The following MTMR10 variants were observed in gnomAD, a reference collection of about 807,000 sequenced individuals.
The protein encoded by MTMR10 is myotubularin-related protein 10.
A neutral mutation model predicts 88.1 loss-of-function variants in MTMR10; 56 were observed. The observed-to-expected ratio is 0.64, with a 90% CI of 0.51 to 0.79. The LOEUF (loss-of-function observed/expected upper bound fraction) is 0.79, where lower values mean the gene tolerates loss of function less well. MTMR10 is among the 30% of genes least tolerant of loss of function. The pLI is 0.00. For missense variants in MTMR10, 883 were observed against 924.7 expected (o/e 0.95, Z 0.58); for synonymous variants, 380 against 340.9 (o/e 1.11, Z -1.26).
intron 10 of MTMR10, 36 bp downstream of exon 10, chr15:30,954,727 G>A: frequency 6.5e-7 from 1 of 1,546,502 alleles, no homozygotes; most frequent in Non-Finnish European, 8.7e-7. Context: ...TCTGTATCCT[G>A]TGTTCATTAT....
chr15:30,949,407 A>G (rs995194417), intron 12 of MTMR10: 2 of 152,222 alleles, frequency 1.3e-5, no homozygotes, highest in African/African-American at 4.8e-5. Flanking sequence ...TCAGAAAGAA[A>G]AAGGTAAAAA....
downstream of MTMR10, among the ~76,000 whole-genome samples, chr15:30,938,140 C>T (rs928691331): frequency 3.3e-5 from 5 of 151,546 alleles, no homozygotes; most frequent in Non-Finnish European, 4.4e-5. Flanking sequence ...GCCGAGATTG[C>T]ACCACTGCAC....
At chr15:30,926,634 G>T in the MTMR10 span, 3 of 985,256 alleles carry the variant, frequency 3.0e-6, no homozygotes, top group Non-Finnish European at 3.6e-6. Flanking sequence ...TGGGGAAGAC[G>T]TGCAAATGCC....
At chr15:30,966,834 C>T (rs1595931654) in intron 6 of MTMR10, among the ~76,000 whole-genome samples, 1 of 148,152 alleles carries the variant, frequency 6.7e-6, no homozygotes, top group East Asian at 2.0e-4. Context: ...GCATTATTTT[C>T]ATATATTATC....
intron 5 of MTMR10, among the ~76,000 whole-genome samples, chr15:30,971,123 A>C (rs138034549): frequency 6.6e-6 from 1 of 152,282 alleles, no homozygotes; most frequent in Non-Finnish European, 1.5e-5. Context: ...ACACTATTTT[A>C]AAAACCTAAG....
At chr15:30,954,481 C>G (rs1476250866) in intron 10 of MTMR10, among the ~76,000 whole-genome samples, 1 of 152,192 alleles carries the variant, frequency 6.6e-6, no homozygotes, top group African/African-American at 2.4e-5. Context: ...ATACAGTGTT[C>G]TACTCAGCAA....
chr15:30,978,091 G>A (rs1189998568), intron 2 of MTMR10, among the ~76,000 whole-genome samples: 2 of 152,136 alleles, frequency 1.3e-5, no homozygotes, highest in Non-Finnish European at 2.9e-5. Context: ...ATGGGACCAT[G>A]CTTCTTCCCA....
intron 6 of MTMR10, among the ~76,000 whole-genome samples, chr15:30,962,024 A>G (rs2063408671): frequency 6.6e-6 from 1 of 152,222 alleles, no homozygotes; most frequent in South Asian, 2.1e-4. Flanking sequence ...GCTCTTTTCT[A>G]TCTGCTCATT....
chr15:30,948,260 G>A, intron 13 of MTMR10, 42 bp downstream of exon 13: 1 of 1,531,168 alleles, frequency 6.5e-7, no homozygotes, highest in Non-Finnish European at 8.8e-7. Flanking sequence ...TTTATTTTGT[G>A]TATCCTTAAA....
the MTMR10 span, chr15:30,922,163 T>C: frequency 4.5e-6 from 7 of 1,554,418 alleles, no homozygotes; most frequent in South Asian, 8.4e-5. Context: ...ACCAATCCTA[T>C]GGGCTTGTAA....
At chr15:30,920,413 T>C in the MTMR10 span, 1 of 643,640 alleles carries the variant, frequency 1.6e-6, no homozygotes, top group African/African-American at 1.9e-5. Flanking sequence ...TGTAGAAAAT[T>C]GTACACAACT....
At position 30,974,474 on chromosome 15, in the gene MTMR10, A is replaced by G. The variant is rs770697622; in HGVS notation, c.332-18T>C. On this transcript the variant is annotated intron_variant, in intron 4 of 15. Transcript: ENST00000435680. ...GTCGTTTACTAAAAAAGAAAAAAAA[A>G]TAGAGAAAATAAAATGCGTAACAGT... The G allele has an allele frequency of 1.3e-6, 2 of 1,504,366 alleles. No homozygotes were observed. Among genetic ancestry groups the G allele is most frequent in the African/African-American group, 2.8e-5 (2 of 70,830 alleles). The allele number at this position is 1,504,366 out of a possible 1,614,324, so 93.2% of individuals were successfully genotyped here.
the MTMR10 span, chr15:30,926,994 A>G: frequency 5.1e-6 from 5 of 985,278 alleles, no homozygotes; most frequent in South Asian, 1.4e-4. Context: ...TTATAACACA[A>G]ATGCACAGCA....
intron 11 of MTMR10, 54 bp from the exon 12 acceptor site, chr15:30,952,092 C>T: frequency 1.4e-6 from 2 of 1,414,440 alleles, no homozygotes; most frequent in South Asian, 2.3e-5. Context: ...ACTACAAATA[C>T]ATAAAGTACT....
Position 30,947,262 on chromosome 15 carries a change from C to G in MTMR10, c.1416G>C (p.Gln472His). 6.2e-7 allele frequency: 1 copy of G among 1,613,704 alleles called. No individual in the cohort carries two copies. The highest frequency in any genetic ancestry group is 8.5e-7 in the Non-Finnish European group (1 of 1,179,836). The change falls in exon 14 of 16, where the codon CAG becomes CAC. Residue 472 changes from glutamine to histidine, a missense_variant. Around this residue, in one of 3 missense-constraint regions of MTMR10, gnomAD observed 126 missense variants for 178.2 expected, o/e 0.71. Coordinates refer to ENST00000435680, the MANE Select transcript of MTMR10 (RefSeq NM_017762.3). The part of the protein sequence containing the change: ...LFLLFLDATW[Q>H]LLEQYPAAFE... ...AAGCTGCAGGATATTGTTCTAACAG[C>G]TGCCAGGTGGCATCCAAGAATAGCA...
At chr15:30,981,665 C>T (rs1296575910) in intron 2 of MTMR10, among the ~76,000 whole-genome samples, 21 of 152,160 alleles carry the variant, frequency 1.4e-4, no homozygotes. Context: ...ATTTTTAAGT[C>T]AATTTGATGA....
chr15:30,948,775 T>C, intron 12 of MTMR10: 1 of 416,958 alleles, frequency 2.4e-6, no homozygotes, highest in Non-Finnish European at 4.3e-6. Context: ...TCCATTCTAC[T>C]GCTCTTTTGT....
At position 30,939,943 on chromosome 15, in the gene MTMR10, A is replaced by G. The variant is rs2062982458; in HGVS notation, c.*1527T>C. 1 of 984,942 alleles carries G rather than the reference A, an allele frequency of 1.0e-6. No individual in the cohort carries two copies. Among genetic ancestry groups the G allele is most frequent in the South Asian group, 4.7e-5 (1 of 21,278 alleles). 61.0% of individuals were successfully genotyped at this position (984,942 alleles called of 1,614,324 possible). On this transcript the variant is annotated 3_prime_UTR_variant, in exon 16 of 16. Transcript: ENST00000435680. ...AGTGAATTTCTTAAGATATTTTTTAAGAACTCCTGTCCTGTTATATCCAGA... is the reference window on the plus strand; with the variant it reads ...AGTGAATTTCTTAAGATATTTTTTAGGAACTCCTGTCCTGTTATATCCAGA...
In MTMR10 at chr15:30,941,770, G is replaced by C. The variant is rs373883299; in HGVS notation, c.2034C>G (p.Ala678=). 210 of 1,613,898 alleles carry C rather than the reference G, an allele frequency of 1.3e-4. No homozygotes were observed. The highest frequency in any genetic ancestry group is 1.6e-4 in the Non-Finnish European group (185 of 1,179,886). ...CAGCCAGGAGGGAGAGCTTGTGAAAGGCTGTGATGGAGCCACCCAGGCTGA... is the reference window on the plus strand; with the variant it reads ...CAGCCAGGAGGGAGAGCTTGTGAAACGCTGTGATGGAGCCACCCAGGCTGA... ...AQISLGGSIT[A]FHKLSLLADE... Residue 678 remains alanine (A), a synonymous_variant, in exon 16 of 16, where the codon GCC becomes GCG. Transcript: ENST00000435680.
Sources: allele counts gnomAD v4.1 joint callset (sites outside exome capture counted in the v4.1 genomes callset), GRCh38; gene constraint gnomAD v4.1.1; regional missense constraint gnomAD v4.1.1; transcripts MANE v1.5; gene names NCBI Gene and HGNC (gene_info 2026-07-23, HGNC 2026-07-21).